The following FNDC3A variants were observed in gnomAD, a reference collection of about 807,000 sequenced individuals.
The protein encoded by FNDC3A is fibronectin type III domain containing 3A.
FNDC3A carries 32 observed loss-of-function variants against 148.9 expected under a neutral mutation model. The ratio of observed to expected loss-of-function variants is 0.21; its 90% CI spans 0.16 to 0.29. The LOEUF is 0.29. Ranked by LOEUF, FNDC3A falls within the 10% of genes least tolerant of loss-of-function variation. The pLI, the probability that FNDC3A is intolerant of heterozygous loss-of-function variation, is 1.00. For missense variants in FNDC3A, 1,191 were observed against 1,452.8 expected, an observed-to-expected ratio of 0.82 and a Z score of 2.93; for synonymous variants, 472 against 473.6, an observed-to-expected ratio of 1.00 and a Z score of 0.04.
chr13:49,163,587 G>T (rs978367818), intron 8 of FNDC3A, among the ~76,000 whole-genome samples: 2 of 152,160 alleles, frequency 1.3e-5, no homozygotes, highest in African/African-American at 4.8e-5. Context: ...CTTGCACTTT[G>T]TGGGTGAGGC....
intron 7 of FNDC3A, among the ~76,000 whole-genome samples, chr13:49,143,172 G>C (rs1262326205): frequency 6.6e-6 from 1 of 152,062 alleles, no homozygotes; most frequent in African/African-American, 2.4e-5. Context: ...CCAGCCATAA[G>C]ATCTTTTTAA....
intron 19 of FNDC3A, among the ~76,000 whole-genome samples, chr13:49,193,597 C>A (rs1185425300): frequency 6.6e-6 from 1 of 152,138 alleles, no homozygotes; most frequent in African/African-American, 2.4e-5. Flanking sequence ...TCATTTGCTG[C>A]CACTAGCAGT....
intron 2 of FNDC3A, among the ~76,000 whole-genome samples, chr13:49,018,430 C>T (rs1312119611): frequency 2.6e-5 from 4 of 152,242 alleles, no homozygotes; most frequent in African/African-American, 7.2e-5. Flanking sequence ...ACGTAGTTCT[C>T]GAGCGTTGGT....
At chr13:49,065,428 C>T (rs966852275) in intron 2 of FNDC3A, among the ~76,000 whole-genome samples, 2 of 152,180 alleles carry the variant, frequency 1.3e-5, no homozygotes, top group Admixed American at 1.3e-4. Context: ...ACCAGTGTAA[C>T]CACACTTCCT....
At chr13:49,167,102 A>C (rs1350364595) in intron 8 of FNDC3A, 142 bp from the exon 9 acceptor site, 1 of 497,902 alleles carries the variant, frequency 2.0e-6, no homozygotes, top group Non-Finnish European at 3.6e-6. Flanking sequence ...GCCAAATTCC[A>C]TATTAGTGGA....
chr13:49,086,135 G>A (rs1178755579), intron 3 of FNDC3A, among the ~76,000 whole-genome samples: 3 of 152,156 alleles, frequency 2.0e-5, no homozygotes, highest in Non-Finnish European at 2.9e-5. Context: ...ACCCGCCTCA[G>A]CCTCCTAAAG....
At chr13:49,182,361 A>C (rs1885349057) in intron 14 of FNDC3A, among the ~76,000 whole-genome samples, 1 of 152,142 alleles carries the variant, frequency 6.6e-6, no homozygotes, top group Non-Finnish European at 1.5e-5. Flanking sequence ...AGTTATAAGC[A>C]ATTCTAATTT....
At chr13:49,051,967 T>C (rs576189973) in intron 2 of FNDC3A, among the ~76,000 whole-genome samples, 4 of 152,124 alleles carry the variant, frequency 2.6e-5, no homozygotes, top group Non-Finnish European at 5.9e-5. Context: ...ATTCTATTGC[T>C]GAGACTTTCC....
intron 1 of FNDC3A, among the ~76,000 whole-genome samples, chr13:48,999,021 TCCAAAGTGCATGGGC>T (rs1952076246): frequency 1.3e-5 from 2 of 152,120 alleles, no homozygotes; most frequent in Non-Finnish European, 2.9e-5. Context: ...CCACTACAGA[TCCAAAGTGCATGGGC>T]CCAAAGGGCA....
chr13:49,013,818 A>G (rs12020077), intron 2 of FNDC3A, among the ~76,000 whole-genome samples: 184 of 145,748 alleles, frequency 1.3e-3, no homozygotes, highest in Non-Finnish European at 2.0e-3. Flanking sequence ...TCTTTGTTCA[A>G]TTCCCACCTA....
chr13:49,147,520 G>A (rs952038462), intron 8 of FNDC3A, among the ~76,000 whole-genome samples: 4 of 151,444 alleles, frequency 2.6e-5, no homozygotes, highest in East Asian at 1.9e-4. Context: ...ATAGGGAATC[G>A]TGATTTTAAG....
At chr13:49,077,264 C>A (rs1878178979) in intron 3 of FNDC3A, among the ~76,000 whole-genome samples, 1 of 152,192 alleles carries the variant, frequency 6.6e-6, no homozygotes, top group Non-Finnish European at 1.5e-5. Context: ...TAAAGCGAGA[C>A]CCTGTCTCAA....
chr13:49,039,811 T>C (rs1020431711), intron 2 of FNDC3A, among the ~76,000 whole-genome samples: 16 of 152,314 alleles, frequency 1.1e-4, no homozygotes, highest in African/African-American at 3.8e-4. Context: ...GCCTCCCGGA[T>C]TCAAGCGATC....
chr13:49,083,530 T>C (rs761010296), intron 3 of FNDC3A, among the ~76,000 whole-genome samples: 13 of 151,864 alleles, frequency 8.6e-5, no homozygotes, highest in Admixed American at 3.3e-4. Context: ...AAACTGGGAT[T>C]GTCCCAAGGA....
chr13:49,005,470 G>T (rs1952203561), intron 1 of FNDC3A, among the ~76,000 whole-genome samples: 1 of 150,880 alleles, frequency 6.6e-6, no homozygotes, highest in Non-Finnish European at 1.5e-5. Flanking sequence ...GTGATATTGT[G>T]TGTACAGTTA....
At chr13:49,024,411 G>T (rs189204655) in intron 2 of FNDC3A, among the ~76,000 whole-genome samples, 113 of 151,840 alleles carry the variant, frequency 7.4e-4, no homozygotes, top group African/African-American at 2.6e-3. Flanking sequence ...AACTGTACAA[G>T]GACACAACAG....
chr13:49,111,018 GATTATAA>G (rs1240564772), intron 3 of FNDC3A, among the ~76,000 whole-genome samples: 1 of 152,120 alleles, frequency 6.6e-6, no homozygotes, highest in Non-Finnish European at 1.5e-5. Flanking sequence ...AAATCACATA[GATTATAA>G]AGGAGCTGCT....
At chr13:49,108,569 A>G (rs905410291) in intron 3 of FNDC3A, among the ~76,000 whole-genome samples, 1 of 152,214 alleles carries the variant, frequency 6.6e-6, no homozygotes. Flanking sequence ...TTTATTTATA[A>G]TGGAAAAAAA....
At chr13:49,074,805 A>T (rs1877985492) in intron 2 of FNDC3A, among the ~76,000 whole-genome samples, 1 of 152,166 alleles carries the variant, frequency 6.6e-6, no homozygotes, top group African/African-American at 2.4e-5. Flanking sequence ...CAAATGTCGT[A>T]AAATTGGTAT....
Sources: allele counts gnomAD v4.1 joint callset (sites outside exome capture counted in the v4.1 genomes callset), GRCh38; gene constraint gnomAD v4.1.1; transcripts MANE v1.5; gene names NCBI Gene and HGNC (gene_info 2026-07-23, HGNC 2026-07-21).